The following SCFD2 variants were observed in gnomAD, a reference collection of about 807,000 sequenced individuals.
The protein encoded by SCFD2 is sec1 family domain containing 2.
SCFD2 carries 54 observed loss-of-function variants against 58.9 expected under a neutral mutation model. The ratio of observed to expected loss-of-function variants is 0.92; its 90% CI spans 0.74 to 1.15. The LOEUF (loss-of-function observed/expected upper bound fraction) is 1.15, where lower values mean the gene tolerates loss of function less well. Among genes scored for constraint, SCFD2 ranks in the 50% most tolerant of loss-of-function variants. SCFD2 has a pLI of 0.00. For missense variants in SCFD2, 805 were observed against 836.6 expected (o/e 0.96, Z 0.47); for synonymous variants, 321 against 335.9 (o/e 0.96, Z 0.49).
chr4:53,214,427 T>G (rs1304158405), intron 4 of SCFD2, among the ~76,000 whole-genome samples: 1 of 152,182 alleles, frequency 6.6e-6, no homozygotes, highest in East Asian at 1.9e-4. Context: ...ATTTTTTTCA[T>G]GTGTTTTTTG....
intron 3 of SCFD2, among the ~76,000 whole-genome samples, chr4:53,298,184 T>A (rs1732116444): frequency 6.6e-6 from 1 of 152,062 alleles, no homozygotes; most frequent in Non-Finnish European, 1.5e-5. Context: ...GTCAGGGAAT[T>A]CCCTTTCCTA....
At chr4:53,139,704 G>GT (rs550778390) in intron 5 of SCFD2, among the ~76,000 whole-genome samples, 2,437 of 152,332 alleles carry the variant, frequency 0.016, 71 homozygotes, top group African/African-American at 0.056. Context: ...CATCTGGGAG[G>GT]TGTACCCAAC....
intron 8 of SCFD2, among the ~76,000 whole-genome samples, chr4:52,877,000 G>A (rs916447674): frequency 7.2e-5 from 11 of 152,056 alleles, no homozygotes; most frequent in African/African-American, 2.7e-4. Context: ...GGTGAGGGTG[G>A]GCCTGAGGGC....
intron 5 of SCFD2, among the ~76,000 whole-genome samples, chr4:52,943,164 G>A (rs1187325750): frequency 2.6e-5 from 4 of 152,034 alleles, no homozygotes; most frequent in African/African-American, 4.8e-5. Flanking sequence ...TATGCCTTAC[G>A]GAATGTGCTG....
chr4:52,894,758 T>C (rs749311882), intron 7 of SCFD2, among the ~76,000 whole-genome samples: 8 of 152,168 alleles, frequency 5.3e-5, no homozygotes, highest in Non-Finnish European at 7.3e-5. Flanking sequence ...GTACATCAAG[T>C]TACTTCAAAC....
At chr4:52,944,251 A>G (rs1720363995) in intron 5 of SCFD2, among the ~76,000 whole-genome samples, 1 of 152,220 alleles carries the variant, frequency 6.6e-6, no homozygotes, top group Non-Finnish European at 1.5e-5. Flanking sequence ...ATTACTGTTT[A>G]TCTCATTTGT....
chr4:53,097,724 T>C (rs1724700193), intron 5 of SCFD2, among the ~76,000 whole-genome samples: 1 of 152,234 alleles, frequency 6.6e-6, no homozygotes, highest in African/African-American at 2.4e-5. Flanking sequence ...TCCTGCCTGA[T>C]TGCCCTGGCC....
chr4:52,969,688 C>A (rs1721048811), intron 5 of SCFD2, among the ~76,000 whole-genome samples: 1 of 152,268 alleles, frequency 6.6e-6, no homozygotes, highest in South Asian at 2.1e-4. Context: ...GGTCTGACCC[C>A]TTGGGCCTGA....
intron 3 of SCFD2, among the ~76,000 whole-genome samples, chr4:53,296,031 C>T (rs1454258136): frequency 5.3e-5 from 8 of 152,236 alleles, no homozygotes; most frequent in East Asian, 3.9e-4. Context: ...CTGCTGGATT[C>T]GGTTTCCCAG....
chr4:52,936,820 A>G (rs1309296967), intron 5 of SCFD2, among the ~76,000 whole-genome samples: 1 of 152,214 alleles, frequency 6.6e-6, no homozygotes, highest in East Asian at 1.9e-4. Context: ...CGCTTCTGCA[A>G]CTTCTTTGTA....
intron 5 of SCFD2, among the ~76,000 whole-genome samples, chr4:53,143,795 T>TACACACACACACACAC (rs113492027): frequency 6.8e-6 from 1 of 146,558 alleles, no homozygotes; most frequent in Admixed American, 6.9e-5. Flanking sequence ...CACCTAAACA[T>TACACACACACACACAC]ACACACACAC....
chr4:53,118,043 G>T (rs564505945), intron 5 of SCFD2, among the ~76,000 whole-genome samples: 1 of 152,156 alleles, frequency 6.6e-6, no homozygotes, highest in Middle Eastern at 3.2e-3. Flanking sequence ...CATTGATTGA[G>T]CATCAGTATT....
intron 4 of SCFD2, among the ~76,000 whole-genome samples, chr4:53,222,159 C>T (rs1221798294): frequency 6.6e-6 from 1 of 152,224 alleles, no homozygotes; most frequent in Non-Finnish European, 1.5e-5. Context: ...CCCACCCTCA[C>T]CTTTGTTTTT....
chr4:53,274,690 C>A (rs1414785921), intron 3 of SCFD2, among the ~76,000 whole-genome samples: 4 of 152,186 alleles, frequency 2.6e-5, no homozygotes, highest in African/African-American at 9.7e-5. Context: ...TACAAACACA[C>A]AAACTGTTGA....
intron 7 of SCFD2, among the ~76,000 whole-genome samples, chr4:52,898,029 A>G (rs189865030): frequency 1.1e-3 from 164 of 152,236 alleles, no homozygotes; most frequent in African/African-American, 3.4e-3. Context: ...TATTGCGTCT[A>G]TTTGATTCTT....
At chr4:53,041,700 T>C (rs1244146472) in intron 5 of SCFD2, among the ~76,000 whole-genome samples, 1 of 152,194 alleles carries the variant, frequency 6.6e-6, no homozygotes, top group Non-Finnish European at 1.5e-5. Context: ...GGTTTAAGGA[T>C]GGTTTGATGT....
At chr4:53,198,590 T>C (rs1390822856) in intron 4 of SCFD2, among the ~76,000 whole-genome samples, 1 of 152,058 alleles carries the variant, frequency 6.6e-6, no homozygotes, top group Non-Finnish European at 1.5e-5. Flanking sequence ...TTATTATACA[T>C]TATACTCTCT....
chr4:53,333,877 C>G (rs1466458881), intron 2 of SCFD2, among the ~76,000 whole-genome samples: 2 of 140,098 alleles, frequency 1.4e-5, no homozygotes, highest in African/African-American at 5.4e-5. Flanking sequence ...TATCCAGAAT[C>G]TACAATGAAC....
chr4:53,145,600 A>G lies in SCFD2; in HGVS notation c.1312-18T>C. 2 of 1,602,946 alleles carry G rather than the reference A, an allele frequency of 1.2e-6. No homozygotes were observed. Among genetic ancestry groups the G allele is most frequent in the South Asian group, 1.1e-5 (1 of 89,158 alleles). On this transcript the variant is annotated intron_variant, in intron 4 of 8. Coordinates refer to ENST00000401642, the MANE Select transcript of SCFD2 (RefSeq NM_152540.4). ...CCAATGCTCTAAAATAAAAAATGAT[A>G]TGAAAATATGTCAATCTTGTATAAA...
Sources: allele counts gnomAD v4.1 joint callset (sites outside exome capture counted in the v4.1 genomes callset), GRCh38; gene constraint gnomAD v4.1.1; transcripts MANE v1.5; gene names NCBI Gene and HGNC (gene_info 2026-07-23, HGNC 2026-07-21).